SREBF2: variants seen among roughly 807,000 people sequenced by gnomAD.
SREBF2 encodes the protein sterol regulatory element binding transcription factor 2.
SREBF2 carries 55 observed loss-of-function variants against 113.1 expected under a neutral mutation model. That is an observed-to-expected ratio of 0.49 (90% confidence interval 0.39 to 0.61). The LOEUF is 0.61. Ranked by LOEUF, SREBF2 falls within the 20% of genes least tolerant of loss-of-function variation. SREBF2 has a pLI of 0.00. For synonymous variants in SREBF2, 593 were observed against 605.7 expected (o/e 0.98, Z 0.31); for missense variants, 1,349 against 1,487.4 (o/e 0.91, Z 1.53).
intron 11 of SREBF2, among the ~76,000 whole-genome samples, chr22:41,890,490 CA>C (rs2077349650): frequency 6.6e-6 from 1 of 152,192 alleles, no homozygotes; most frequent in South Asian, 2.1e-4. Flanking sequence ...TTAGGGGACA[CA>C]ACCTGGGGTT....
At chr22:41,865,404 G>T (rs2077065796) in intron 1 of SREBF2, among the ~76,000 whole-genome samples, 1 of 152,174 alleles carries the variant, frequency 6.6e-6, no homozygotes, top group Non-Finnish European at 1.5e-5. Flanking sequence ...GTAGAGAATT[G>T]TAGGTCTGAA....
In SREBF2 at chr22:41,867,346, C is replaced by T. The variant is rs1365491225; in HGVS notation, c.538+66C>T. ...ATGTTTATGTGCCAGTTTGCAGACA[C>T]TGTAAATATTTCTGTCGTCTTCAGG... On this transcript the variant is annotated intron_variant, in intron 2 of 18. Transcript: ENST00000361204. The T allele has an allele frequency of 2.6e-6, 4 of 1,543,948 alleles. No homozygotes were observed. The Admixed American group carries it at 6.7e-5, about 26-fold the overall frequency.
intron 10 of SREBF2, among the ~76,000 whole-genome samples, chr22:41,883,917 C>T (rs567600905): frequency 8.5e-5 from 13 of 152,316 alleles, no homozygotes; most frequent in South Asian, 2.1e-4. Flanking sequence ...GAAAGCCTCA[C>T]GAGAGCTGTG....
chr22:41,835,734 C>T (rs2076767936), intron 1 of SREBF2, among the ~76,000 whole-genome samples: 1 of 152,304 alleles, frequency 6.6e-6, no homozygotes, highest in South Asian at 2.1e-4. Flanking sequence ...CTTAAGCAAT[C>T]CTCCCAGCTC....
At chr22:41,873,749 T>C (rs1217069760) in intron 4 of SREBF2, 49 bp from the exon 5 acceptor site, 11 of 1,547,958 alleles carry the variant, frequency 7.1e-6, no homozygotes, top group Admixed American at 3.9e-5. Context: ...GGTTGCTTTA[T>C]GCAGACTAAC....
chr22:41,876,024 G>A (rs1033438446), intron 7 of SREBF2, among the ~76,000 whole-genome samples: 1 of 152,220 alleles, frequency 6.6e-6, no homozygotes, highest in African/African-American at 2.4e-5. Flanking sequence ...GGAGCTGCTG[G>A]AGGCACCTCA....
At position 41,880,597 on chromosome 22, in the gene SREBF2, G is replaced by T. The variant is rs779786467; in HGVS notation, c.1762-119G>T. On this transcript the variant is annotated intron_variant, in intron 9 of 18. Transcript: ENST00000361204. ...CTTGTAGCTTTCTGAAGTTTCCCTCGTTTTTATGAGTGTGCACTAATTCCT... is the reference window on the plus strand; with the variant it reads ...CTTGTAGCTTTCTGAAGTTTCCCTCTTTTTTATGAGTGTGCACTAATTCCT... 3.3e-5 allele frequency: 44 copies of T among 1,334,830 alleles called. 1 individual carries two copies. The highest frequency in any genetic ancestry group is 4.1e-5 in the Non-Finnish European group (38 of 933,696). 82.7% of individuals were successfully genotyped at this position (1,334,830 alleles called of 1,614,324 possible).
rs2077477440 is a variant in SREBF2, at chr22:41,902,972, G to A, written c.2910G>A (p.Val970=). Residue 970 remains valine (V), a splice_region_variant and synonymous_variant, in exon 17 of 19, where the codon GTG becomes GTA. Coordinates refer to ENST00000361204, the MANE Select transcript of SREBF2 (RefSeq NM_004599.4). ...CTCTCTCGTGGCTGACCCCACAGGT[G>A]GTCCAGCTGCTCACCTGTGACCTGC... The part of the protein sequence containing the change: ...GATSDPALNH[V]VQLLTCDLLL... The A allele has an allele frequency of 6.2e-7, 1 of 1,609,656 alleles. No individual in the cohort carries two copies. The highest frequency in any genetic ancestry group is 1.7e-5 in the Admixed American group (1 of 59,640).
chr22:41,901,720 G>A (rs2077466902), intron 16 of SREBF2, among the ~76,000 whole-genome samples: 1 of 152,328 alleles, frequency 6.6e-6, no homozygotes, highest in South Asian at 2.1e-4. Flanking sequence ...AAGGCAGATG[G>A]TGAGCCACAT....
At chr22:41,856,956 A>G (rs7292386) in intron 1 of SREBF2, among the ~76,000 whole-genome samples, 19,822 of 151,832 alleles carry the variant, frequency 0.13, 1,798 homozygotes, top group Admixed American at 0.31. Flanking sequence ...AATCCCGGCT[A>G]CATGGGAGGC....
At chr22:41,904,494 C>T (rs1303642481) in intron 17 of SREBF2, 1 of 485,582 alleles carries the variant, frequency 2.1e-6, no homozygotes, top group East Asian at 5.8e-5. Flanking sequence ...CCCTCCTCAC[C>T]CCTCTGTCCC....
intron 16 of SREBF2, among the ~76,000 whole-genome samples, chr22:41,902,567 C>T (rs1435248427): frequency 1.3e-5 from 2 of 152,196 alleles, no homozygotes; most frequent in African/African-American, 4.8e-5. Context: ...CCACTTCAGG[C>T]TTTTCCTTGG....
chr22:41,852,939 G>A (rs572797619), intron 1 of SREBF2, among the ~76,000 whole-genome samples: 34 of 151,800 alleles, frequency 2.2e-4, no homozygotes, highest in Non-Finnish European at 4.1e-4. Flanking sequence ...TAGTAGAGAC[G>A]GGGTTTCACC....
rs780888390 is a variant in SREBF2 at position 41,873,846 on chromosome 22, A to G, written c.916A>G (p.Met306Val). The change falls in exon 5 of 19, where the codon ATG becomes GTG. Residue 306 changes from methionine to valine, a missense_variant. Transcript: ENST00000361204. ...CATTCTGACCACAATGCCTGTAATG[A>G]TGGGGCAAGAGAAAGTGCCCATTAA... is the stretch of plus-strand genomic sequence containing the variant. ...GTILTTMPVM[M>V]GQEKVPIKQV... 5.6e-6 allele frequency: 9 copies of G among 1,613,006 alleles called. No homozygotes were observed. In the East Asian group the frequency reaches 1.8e-4, roughly 32 times the overall value.
chr22:41,848,111 A>G (rs1282794136), intron 1 of SREBF2, among the ~76,000 whole-genome samples: 1 of 151,630 alleles, frequency 6.6e-6, no homozygotes, highest in African/African-American at 2.4e-5. Flanking sequence ...TTTATTTATT[A>G]TTATTATACT....
chr22:41,884,871 G>A lies in SREBF2; in HGVS notation c.2068G>A (p.Asp690Asn), dbSNP rs185080521. 102 of 1,614,152 alleles carry A rather than the reference G, an allele frequency of 6.3e-5. No homozygotes were observed. The East Asian group carries it at 1.5e-3, about 23-fold the overall frequency. ...GCTTCCTGCAGGATCCGCCTGTTCC[G>A]ATGTACACATGGCGTTGTGTGCCGT... Reference protein sequence around the residue: ...GKLPAGSACSDVHMALCAVNL... With the variant: ...GKLPAGSACSNVHMALCAVNL... The change falls in exon 11 of 19, where the codon GAT (aspartate) becomes AAT (asparagine). Residue 690 changes from aspartate (D) to asparagine (N), a missense_variant. Coordinates refer to ENST00000361204, the MANE Select transcript of SREBF2 (RefSeq NM_004599.4).
chr22:41,906,078 C>T lies in SREBF2; in HGVS notation c.*418C>T. The T allele has an allele frequency of 2.2e-6, 1 of 451,058 alleles. No homozygotes were observed. The highest frequency in any genetic ancestry group is 4.4e-6 in the Non-Finnish European group (1 of 225,954). The allele number at this position is 451,058 out of a possible 1,614,324, so 27.9% of individuals were successfully genotyped here. On this transcript the variant is annotated 3_prime_UTR_variant, in exon 19 of 19. Coordinates refer to ENST00000361204, the MANE Select transcript of SREBF2 (RefSeq NM_004599.4). ...GGGAGCAGTTGCCCTCAGGCCTGTG[C>T]CCAGCATGCCCTCCCCTTTTTATAC...
At chr22:41,875,941 G>A (rs943215415) in intron 7 of SREBF2, among the ~76,000 whole-genome samples, 2 of 152,216 alleles carry the variant, frequency 1.3e-5, no homozygotes, top group African/African-American at 2.4e-5. Context: ...GGTCCTTGCC[G>A]ATAGGCCCCG....
intron 1 of SREBF2, among the ~76,000 whole-genome samples, chr22:41,861,340 G>C (rs762734516): frequency 3.9e-5 from 6 of 151,926 alleles, no homozygotes; most frequent in Non-Finnish European, 8.8e-5. Context: ...AAATTAGCTG[G>C]GCATGGTGGC....
Sources: gnomAD v4.1 joint callset for allele counts (sites outside exome capture counted in the v4.1 genomes callset) on GRCh38, gnomAD v4.1.1 for gene constraint, MANE v1.5 for transcripts, NCBI Gene and HGNC (gene_info 2026-07-23, HGNC 2026-07-21) for gene names.